The following C20orf144 variants were observed in gnomAD, a reference collection of about 807,000 sequenced individuals.
C20orf144 encodes chromosome 20 open reading frame 144, also known as uncharacterized protein C20orf144.
C20orf144 carries 8 observed loss-of-function variants against 3.8 expected under a neutral mutation model. The ratio of observed to expected loss-of-function variants is 2.11; its 90% CI spans 1.24 to 3.80. C20orf144 has a LOEUF of 3.80. C20orf144 is among the 30% of genes most tolerant of loss of function. The probability of loss-of-function intolerance (pLI) is 0.00; values close to 1 mark genes in which losing one functional copy is unlikely to be tolerated. For synonymous variants in C20orf144, 126 were observed against 104.1 expected, an observed-to-expected ratio of 1.21 and a Z score of -1.28; for missense variants, 289 against 224.5, an observed-to-expected ratio of 1.29 and a Z score of -1.83.
rs975899211 is a variant in C20orf144 at position 33,663,612 on chromosome 20, CGCTGGGCTGGGCTCCCCG to C, written c.210_227del (p.Gly71_Ala76del). ...GGCAACGGATTGACTACGCGTCCGG[CGCTGGGCTGGGCTCCCCG>C]GCGGCACCCAGATTGCGCGGAGCGG... On this transcript the variant is annotated inframe_deletion, in exon 2 of 2. Coordinates refer to ENST00000375222, the MANE Select transcript of C20orf144 (RefSeq NM_080825.4). 4 of 1,610,578 alleles carry C rather than the reference CGCTGGGCTGGGCTCCCCG, an allele frequency of 2.5e-6. No individual in the cohort carries two copies. Among genetic ancestry groups the C allele is most frequent in the Non-Finnish European group, 3.4e-6 (4 of 1,179,628 alleles).
rs1407952997 is a variant in C20orf144, at chr20:33,662,439, TTCC to T, written c.97_99del (p.Leu33del). The T allele has an allele frequency of 1.3e-6, 2 of 1,551,702 alleles. No homozygotes were observed. The highest frequency in any genetic ancestry group is 2.7e-5 in the African/African-American group (2 of 73,068). Reference sequence around the variant, plus strand: ...CATGGACAAGGCCTGGTGGAAATCGTTCCTCAACCACCTCACTCGGAAGAAGCC... The same window carrying T: ...CATGGACAAGGCCTGGTGGAAATCGTTCAACCACCTCACTCGGAAGAAGCC... On this transcript the variant is annotated inframe_deletion, in exon 1 of 2. Coordinates refer to ENST00000375222, the MANE Select transcript of C20orf144 (RefSeq NM_080825.4).
In C20orf144 at chr20:33,662,412, G is replaced by A; in HGVS notation, c.67G>A (p.Asp23Asn). Reference sequence around the variant, plus strand: ...GCAGGCCCGCAAGGAGAGGCCGGCTGACATGGACAAGGCCTGGTGGAAATC... The same window carrying A: ...GCAGGCCCGCAAGGAGAGGCCGGCTAACATGGACAAGGCCTGGTGGAAATC... ...PKQARKERPADMDKAWWKSFL... is the reference protein window; with the variant it reads ...PKQARKERPANMDKAWWKSFL... The change falls in exon 1 of 2, where the codon GAC becomes AAC. Residue 23 changes from aspartate (D) to asparagine (N), a missense_variant. Asp to Asn is a conservative substitution (Grantham distance 23). Coordinates refer to ENST00000375222, the MANE Select transcript of C20orf144 (RefSeq NM_080825.4). The A allele has an allele frequency of 1.3e-6, 2 of 1,551,724 alleles. No individual in the cohort carries two copies. The highest frequency in any genetic ancestry group is 1.7e-6 in the Non-Finnish European group (2 of 1,147,206).
chr20:33,663,276 A>T, intron 1 of C20orf144: 2 of 546,694 alleles, frequency 3.7e-6, no homozygotes, highest in East Asian at 3.4e-5. Context: ...AGCTGGTCTC[A>T]GGAAGTCAGC....
chr20:33,663,623 G>A lies in C20orf144; in HGVS notation c.218G>A (p.Gly73Asp). The change falls in exon 2 of 2, where the codon GGC becomes GAC. Residue 73 changes from glycine to aspartate, a missense_variant. By Grantham distance (94) the Gly-to-Asp change is moderately conservative. Coordinates refer to ENST00000375222, the MANE Select transcript of C20orf144 (RefSeq NM_080825.4). ...RIDYASGAGL[G>D]SPAAPRLRGA... ...GACTACGCGTCCGGCGCTGGGCTGG[G>A]CTCCCCGGCGGCACCCAGATTGCGC... 1 of 1,608,998 alleles carries A rather than the reference G, an allele frequency of 6.2e-7. No individual in the cohort carries two copies. Among genetic ancestry groups the A allele is most frequent in the South Asian group, 1.1e-5 (1 of 90,952 alleles).
At chr20:33,662,559 T>A in intron 1 of C20orf144, 88 bp downstream of exon 1, 1 of 1,437,660 alleles carries the variant, frequency 7.0e-7, no homozygotes, top group African/African-American at 1.4e-5. Context: ...ATGCTGGGAG[T>A]CTAGGCCTTG....
At position 33,663,667 on chromosome 20, in the gene C20orf144, G is replaced by A. The variant is rs918386274; in HGVS notation, c.262G>A (p.Glu88Lys). The change falls in exon 2 of 2, where the codon GAG becomes AAG. Residue 88 changes from glutamate to lysine, a missense_variant. Physicochemically the swap from Glu to Lys is moderately conservative, Grantham distance 56 (BLOSUM62 1). Coordinates refer to ENST00000375222, the MANE Select transcript of C20orf144 (RefSeq NM_080825.4). ...ATTGCGCGGAGCGGGCGAAGGTAGC[G>A]AGCGCGAGCCGAGGATGCCGGTACT... ...PRLRGAGEGS[E>K]REPRMPVLLL... is the part of the protein sequence containing the mutation. 1.9e-6 allele frequency: 3 copies of A among 1,575,220 alleles called. No individual in the cohort carries two copies. The highest frequency in any genetic ancestry group is 2.6e-6 in the Non-Finnish European group (3 of 1,168,846).
At chr20:33,663,507 C>T in intron 1 of C20orf144, 25 bp from the exon 2 acceptor site, 3 of 1,599,574 alleles carry the variant, frequency 1.9e-6, no homozygotes, top group African/African-American at 1.4e-5. Flanking sequence ...CGCTCTCCCG[C>T]CTCACGCCCC....
chr20:33,663,427 C>T (rs1189877260), intron 1 of C20orf144, 105 bp from the exon 2 acceptor site: 18 of 1,246,600 alleles, frequency 1.4e-5, no homozygotes, highest in Non-Finnish European at 1.8e-5. Context: ...GGGTGGACGA[C>T]AGGACCCGGG....
intron 1 of C20orf144, chr20:33,662,716 G>A: frequency 2.1e-6 from 1 of 472,056 alleles, no homozygotes; most frequent in Admixed American, 3.6e-5. Context: ...AAGGTGGGTG[G>A]ATAACTTCAG....
In C20orf144 at chr20:33,663,655, G is replaced by A; in HGVS notation, c.250G>A (p.Gly84Ser). ...SPAAPRLRGA[G>S]EGSEREPRMP... ...GGCGGCACCCAGATTGCGCGGAGCGGGCGAAGGTAGCGAGCGCGAGCCGAG... is the reference window on the plus strand; with the variant it reads ...GGCGGCACCCAGATTGCGCGGAGCGAGCGAAGGTAGCGAGCGCGAGCCGAG... Residue 84 changes from glycine to serine, a missense_variant, in exon 2 of 2, where the codon GGC becomes AGC. By Grantham distance (56) the Gly-to-Ser change is moderately conservative (BLOSUM62 0). Coordinates refer to ENST00000375222, the MANE Select transcript of C20orf144 (RefSeq NM_080825.4). 2 of 1,595,162 alleles carry A rather than the reference G, an allele frequency of 1.3e-6. No homozygotes were observed. The highest frequency in any genetic ancestry group is 1.7e-6 in the Non-Finnish European group (2 of 1,175,746).
At position 33,663,844 on chromosome 20, in the gene C20orf144, C is replaced by G; in HGVS notation, c.439C>G (p.Arg147Gly). ...PAEEQPRKRC[R>G]CPRPQL ...CGAGGAGCAGCCGCGCAAACGGTGCCGCTGCCCTCGCCCGCAGCTTTAAAC... is the reference window on the plus strand; with the variant it reads ...CGAGGAGCAGCCGCGCAAACGGTGCGGCTGCCCTCGCCCGCAGCTTTAAAC... The change falls in exon 2 of 2, where the codon CGC (arginine) becomes GGC (glycine). Residue 147 changes from arginine to glycine, a missense_variant. Physicochemically the swap from Arg to Gly is moderately radical, Grantham distance 125. Coordinates refer to ENST00000375222, the MANE Select transcript of C20orf144 (RefSeq NM_080825.4). 1 of 1,407,138 alleles carries G rather than the reference C, an allele frequency of 7.1e-7. No individual in the cohort carries two copies. Among genetic ancestry groups the G allele is most frequent in the Non-Finnish European group, 9.2e-7 (1 of 1,091,490 alleles). 87.2% of individuals were successfully genotyped at this position (1,407,138 alleles called of 1,614,324 possible).
In C20orf144 at chr20:33,663,756, C is replaced by G. The variant is rs1428582849; in HGVS notation, c.351C>G (p.Ser117Arg). The G allele has an allele frequency of 6.8e-7, 1 of 1,461,596 alleles. No individual in the cohort carries two copies. Among genetic ancestry groups the G allele is most frequent in the South Asian group, 1.4e-5 (1 of 73,926 alleles). The allele number at this position is 1,461,596 out of a possible 1,614,324, so 90.5% of individuals were successfully genotyped here. Residue 117 changes from serine to arginine, a missense_variant, in exon 2 of 2, where the codon AGC (serine) becomes AGG (arginine). Physicochemically the swap from Ser to Arg is moderately radical, Grantham distance 110 (BLOSUM62 -1). Coordinates refer to ENST00000375222, the MANE Select transcript of C20orf144 (RefSeq NM_080825.4). ...PEEGGARAAL[S>R]WPRLLSRFRS... ...AGGGCGGGGCCAGGGCAGCTCTGAGCTGGCCGCGGCTGCTCTCGCGCTTCC... is the reference window on the plus strand; with the variant it reads ...AGGGCGGGGCCAGGGCAGCTCTGAGGTGGCCGCGGCTGCTCTCGCGCTTCC...
chr20:33,662,653 TGG>T, intron 1 of C20orf144, 182 bp downstream of exon 1: 1 of 696,776 alleles, frequency 1.4e-6, no homozygotes, highest in Non-Finnish European at 2.3e-6. Context: ...TGGGTGTGGA[TGG>T]GGGTCCTTTC....
intron 1 of C20orf144, 101 bp downstream of exon 1, chr20:33,662,572 T>C (rs1361295948): frequency 2.2e-6 from 3 of 1,334,888 alleles, no homozygotes; most frequent in African/African-American, 1.5e-5. Flanking sequence ...AGGCCTTGTA[T>C]GCAGAAGTCC....
At position 33,663,528 on chromosome 20, in the gene C20orf144, C is replaced by T. The variant is rs2017548727; in HGVS notation, c.127-4C>T. On this transcript the variant is annotated splice_polypyrimidine_tract_variant and splice_region_variant and intron_variant, in intron 1 of 1. Transcript: ENST00000375222. Reference sequence around the variant, plus strand: ...CCCGCCTCACGCCCCTGTTCCACCCCCAGACCAGGATCGTGCTGATTCTCC... The same window carrying T: ...CCCGCCTCACGCCCCTGTTCCACCCTCAGACCAGGATCGTGCTGATTCTCC... 6.2e-7 allele frequency: 1 copy of T among 1,608,146 alleles called. No individual in the cohort carries two copies. The highest frequency in any genetic ancestry group is 1.3e-5 in the African/African-American group (1 of 74,376).
intron 1 of C20orf144, 74 bp from the exon 2 acceptor site, chr20:33,663,458 A>G (rs905176869): frequency 6.7e-5 from 100 of 1,487,056 alleles, no homozygotes; most frequent in Non-Finnish European, 8.9e-5. Flanking sequence ...TCCCAGGAGA[A>G]GCGCGGAGCG....
chr20:33,662,807 G>A (rs979895180), intron 1 of C20orf144: 1 of 272,670 alleles, frequency 3.7e-6, no homozygotes, highest in African/African-American at 2.2e-5. Flanking sequence ...TTGTGGTGGT[G>A]AATGCCCGCA....
intron 1 of C20orf144, 37 bp from the exon 2 acceptor site, chr20:33,663,495 C>A (rs749263681): frequency 1.3e-6 from 2 of 1,584,594 alleles, no homozygotes; most frequent in Non-Finnish European, 1.7e-6. Flanking sequence ...TCGGCCCTAG[C>A]GCGCTCTCCC....
At position 33,663,604 on chromosome 20, in the gene C20orf144, G is replaced by C. The variant is rs1404195579; in HGVS notation, c.199G>C (p.Ala67Pro). ...CAACGCTGGGCAACGGATTGACTAC[G>C]CGTCCGGCGCTGGGCTGGGCTCCCC... is the stretch of plus-strand genomic sequence containing the variant. ...LANAGQRIDYASGAGLGSPAA... is the reference protein window; with the variant it reads ...LANAGQRIDYPSGAGLGSPAA... Residue 67 changes from alanine to proline, a missense_variant, in exon 2 of 2, where the codon GCG (alanine) becomes CCG (proline). Ala to Pro is a conservative substitution (Grantham distance 27). Transcript: ENST00000375222. 1 of 1,610,962 alleles carries C rather than the reference G, an allele frequency of 6.2e-7. No individual in the cohort carries two copies. The highest frequency in any genetic ancestry group is 1.1e-5 in the South Asian group (1 of 91,052).
Sources: allele counts gnomAD v4.1 joint callset, GRCh38; gene constraint gnomAD v4.1.1; transcripts MANE v1.5; gene names NCBI Gene and HGNC (gene_info 2026-07-23, HGNC 2026-07-21).